TRAPPC8: variants seen among roughly 807,000 people sequenced by gnomAD.
TRAPPC8 encodes the protein general sporulation gene 1 homolog.
A neutral mutation model predicts 174.3 loss-of-function variants in TRAPPC8; 54 were observed. That is an observed-to-expected ratio of 0.31 (90% CI 0.25 to 0.39). The LOEUF (loss-of-function observed/expected upper bound fraction) is 0.39. Among genes scored for constraint, TRAPPC8 ranks in the 10% least tolerant of loss-of-function variants. TRAPPC8 has a pLI of 1.00. For synonymous variants in TRAPPC8, 630 were observed against 579.9 expected (o/e 1.09, Z -1.24); for missense variants, 1,531 against 1,699.1 (o/e 0.90, Z 1.74).
chr18:31,849,722 G>A lies in TRAPPC8; in HGVS notation c.3579C>T (p.Ser1193=). The change falls in exon 25 of 29, where the codon AGC becomes AGT. Residue 1193 remains serine (S), a synonymous_variant. Coordinates refer to ENST00000283351, the MANE Select transcript of TRAPPC8 (RefSeq NM_014939.5). The stretch of plus-strand genomic sequence containing the variant: ...TTCGATAAAAGAAGTCTGCACATGG[G>A]CTTGCTGAACTTATTATCTGTTAAA... ...FGNEQIISSA[S]PCADFFYRSL... 6.2e-7 allele frequency: 1 copy of A among 1,601,602 alleles called. No individual in the cohort carries two copies. Among genetic ancestry groups the A allele is most frequent in the Non-Finnish European group, 8.5e-7 (1 of 1,175,106 alleles).
rs149155846 is a variant in TRAPPC8 at position 31,864,670 on chromosome 18, C to A, written c.2702G>T (p.Arg901Leu). 1.2e-6 allele frequency: 2 copies of A among 1,612,670 alleles called. No homozygotes were observed. Among genetic ancestry groups the A allele is most frequent in the East Asian group, 2.2e-5 (1 of 44,716 alleles). The change falls in exon 19 of 29, where the codon CGA becomes CTA. Residue 901 changes from arginine to leucine, a missense_variant. By Grantham distance (102) the Arg-to-Leu change is moderately radical. Transcript: ENST00000283351. ...TTCTGTGATTATGGGATCTAAACGT[C>A]GATCAGGGCCATATTTAACAGATGT... ...EKTSVKYGPD[R>L]RLDPIITEEM...
chr18:31,909,763 A>G lies in TRAPPC8; in HGVS notation c.772-3T>C. On this transcript the variant is annotated splice_polypyrimidine_tract_variant and splice_region_variant and intron_variant, in intron 5 of 28. Coordinates refer to ENST00000283351, the MANE Select transcript of TRAPPC8 (RefSeq NM_014939.5). ...CAAGGGCCATCTTCATATGATTCCT[A>G]TCAAAATAAAATTTAAAAAGCATTA... 1 of 1,549,082 alleles carries G rather than the reference A, an allele frequency of 6.5e-7. No individual in the cohort carries two copies. The highest frequency in any genetic ancestry group is 8.7e-7 in the Non-Finnish European group (1 of 1,150,342).
At chr18:31,877,977 A>G (rs66534107) in intron 12 of TRAPPC8, among the ~76,000 whole-genome samples, 24,274 of 151,806 alleles carry the variant, frequency 0.16, 2,160 homozygotes, top group Middle Eastern at 0.23. Context: ...CAGGAAGGGC[A>G]AGGCCCAATT....
chr18:31,886,002 AATTATT>A (rs916211052), intron 12 of TRAPPC8, among the ~76,000 whole-genome samples: 2 of 150,848 alleles, frequency 1.3e-5, no homozygotes, highest in Admixed American at 6.6e-5. Context: ...ATTGTTTCCA[AATTATT>A]ATTATTATTA....
At chr18:31,852,877 G>GTA (rs145821237) in intron 22 of TRAPPC8, 1,658 of 489,152 alleles carry the variant, frequency 3.4e-3, no homozygotes, top group East Asian at 5.0e-3. Context: ...GTGTGCACAT[G>GTA]TATATATATA....
At chr18:31,835,576 A>C (rs1405308078) in intron 27 of TRAPPC8, among the ~76,000 whole-genome samples, 3 of 152,146 alleles carry the variant, frequency 2.0e-5, no homozygotes, top group Non-Finnish European at 4.4e-5. Flanking sequence ...CGGTCACCCC[A>C]CTTTGACCAC....
intron 10 of TRAPPC8, among the ~76,000 whole-genome samples, chr18:31,898,621 T>A (rs990952513): frequency 6.6e-6 from 1 of 152,252 alleles, no homozygotes; most frequent in Non-Finnish European, 1.5e-5. Context: ...TTCCCCCTGG[T>A]AGTACCATTA....
rs746544816 is a variant in TRAPPC8, at chr18:31,849,664, G to A, written c.3637C>T (p.His1213Tyr). 6.2e-7 allele frequency: 1 copy of A among 1,612,848 alleles called. No homozygotes were observed. Among genetic ancestry groups the A allele is most frequent in the Non-Finnish European group, 8.5e-7 (1 of 1,179,400 alleles). ...LSSELKKPQA[H>Y]LPVHTEKQST... ...TGTTTTTCTGTATGCACAGGCAAGTGAGCTTGTGGTTTTTTCAATTCAGAA... is the reference window on the plus strand; with the variant it reads ...TGTTTTTCTGTATGCACAGGCAAGTAAGCTTGTGGTTTTTTCAATTCAGAA... The change falls in exon 25 of 29, where the codon CAC becomes TAC. Residue 1213 changes from histidine (H) to tyrosine (Y), a missense_variant. Transcript: ENST00000283351.
chr18:31,929,137 A>G (rs748418427), intron 2 of TRAPPC8, among the ~76,000 whole-genome samples: 6 of 151,638 alleles, frequency 4.0e-5, no homozygotes, highest in Non-Finnish European at 7.4e-5. Flanking sequence ...AGCCGAGATC[A>G]TGCCACCACA....
chr18:31,874,321 C>T, intron 13 of TRAPPC8, 159 bp downstream of exon 13: 1 of 680,634 alleles, frequency 1.5e-6, no homozygotes, highest in Non-Finnish European at 2.4e-6. Context: ...GGCAATGTAA[C>T]CAAGATCTAT....
At chr18:31,845,505 G>C (rs923505165) in intron 26 of TRAPPC8, among the ~76,000 whole-genome samples, 5 of 151,532 alleles carry the variant, frequency 3.3e-5, no homozygotes, top group African/African-American at 1.2e-4. Context: ...TTCTTCTTAG[G>C]AATACTCAAT....
At position 31,830,980 on chromosome 18, in the gene TRAPPC8, T is replaced by A. The variant is rs1568022706; in HGVS notation, c.4083A>T (p.Ala1361=). ...DLRHKTTSPE[A]LEIHGSFTWL... ...ATGTGAATGATCCATGGATTTCCAG[T>A]GCTTCTGGACTAAGGGAGGAGGAAA... is the stretch of plus-strand genomic sequence containing the variant. Residue 1361 remains alanine (A), a synonymous_variant, in exon 29 of 29, where the codon GCA becomes GCT. Transcript: ENST00000283351. 8 of 1,611,362 alleles carry A rather than the reference T, an allele frequency of 5.0e-6. No individual in the cohort carries two copies. The highest frequency in any genetic ancestry group is 6.8e-6 in the Non-Finnish European group (8 of 1,177,898).
chr18:31,896,808 G>A (rs2036203898), intron 11 of TRAPPC8, among the ~76,000 whole-genome samples: 1 of 152,144 alleles, frequency 6.6e-6, no homozygotes, highest in Non-Finnish European at 1.5e-5. Context: ...ATTTTTAGTA[G>A]AGACAGGATT....
chr18:31,831,430 G>T (rs912131061), intron 28 of TRAPPC8, among the ~76,000 whole-genome samples: 2 of 152,084 alleles, frequency 1.3e-5, no homozygotes, highest in African/African-American at 4.8e-5. Context: ...ATTAATAATA[G>T]CAACATCATT....
chr18:31,831,558 C>G (rs1246513293), intron 28 of TRAPPC8, among the ~76,000 whole-genome samples: 5 of 151,986 alleles, frequency 3.3e-5, no homozygotes, highest in Non-Finnish European at 7.4e-5. Flanking sequence ...GATTTCAAAC[C>G]TAAACTTTTA....
At chr18:31,849,767 T>C in intron 24 of TRAPPC8, 28 bp from the exon 25 acceptor site, 1 of 1,546,250 alleles carries the variant, frequency 6.5e-7, no homozygotes, top group South Asian at 1.2e-5. Flanking sequence ...CTTGTGTTCA[T>C]AAATGCTTTT....
chr18:31,905,909 C>T (rs2036635741), intron 9 of TRAPPC8, among the ~76,000 whole-genome samples: 1 of 151,914 alleles, frequency 6.6e-6, no homozygotes, highest in Admixed American at 6.6e-5. Flanking sequence ...CAAATGCATA[C>T]CTAGGTTATA....
intron 12 of TRAPPC8, among the ~76,000 whole-genome samples, chr18:31,881,093 ACTAT>A (rs1158459667): frequency 8.5e-5 from 13 of 152,062 alleles, no homozygotes; most frequent in East Asian, 7.7e-4. Flanking sequence ...GATTCAACAA[ACTAT>A]CTATCAAATA....
intron 12 of TRAPPC8, among the ~76,000 whole-genome samples, chr18:31,888,752 GCC>G (rs2035831602): frequency 6.6e-6 from 1 of 152,124 alleles, no homozygotes; most frequent in African/African-American, 2.4e-5. Context: ...ACACACTGGG[GCC>G]TGTTGAGGGG....
Sources: allele counts gnomAD v4.1 joint callset (sites outside exome capture counted in the v4.1 genomes callset), GRCh38; gene constraint gnomAD v4.1.1; transcripts MANE v1.5; gene names NCBI Gene and HGNC (gene_info 2026-07-23, HGNC 2026-07-21).